MARCHF1: variants seen among roughly 807,000 people sequenced by gnomAD.
The protein encoded by MARCHF1 is membrane associated ring-CH-type finger 1, also known as E3 ubiquitin-protein ligase MARCHF1.
A neutral mutation model predicts 54.2 loss-of-function variants in MARCHF1; 40 were observed. That is an observed-to-expected ratio of 0.74 (90% confidence interval 0.57 to 0.96). The LOEUF (loss-of-function observed/expected upper bound fraction) is 0.96, where lower values mean the gene tolerates loss of function less well. MARCHF1 is among the 40% of genes least tolerant of loss of function. The pLI is 0.00. For synonymous variants in MARCHF1, 236 were observed against 236.3 expected (o/e 1.00, Z 0.01); for missense variants, 586 against 656.5 (o/e 0.89, Z 1.17).
At chr4:164,350,495 G>C (rs1730254109) in intron 1 of MARCHF1, among the ~76,000 whole-genome samples, 1 of 152,236 alleles carries the variant, frequency 6.6e-6, no homozygotes, top group African/African-American at 2.4e-5. Context: ...AGCTAAAAGA[G>C]AGGATTTTGA....
chr4:163,562,814 ATAAT>A (rs1169673034), intron 8 of MARCHF1, among the ~76,000 whole-genome samples: 1 of 152,144 alleles, frequency 6.6e-6, no homozygotes, highest in Non-Finnish European at 1.5e-5. Context: ...TTCCCAGTTA[ATAAT>A]TAAACTGTTC....
intron 7 of MARCHF1, among the ~76,000 whole-genome samples, chr4:163,611,048 T>G (rs1349863947): frequency 6.6e-6 from 1 of 152,090 alleles, no homozygotes; most frequent in Non-Finnish European, 1.5e-5. Context: ...GAAGCTTCCT[T>G]GCCATGTGCT....
At chr4:164,050,947 TA>T (rs1754352499) in intron 2 of MARCHF1, among the ~76,000 whole-genome samples, 1 of 150,612 alleles carries the variant, frequency 6.6e-6, no homozygotes, top group South Asian at 2.1e-4. Context: ...ATAATAATAG[TA>T]ATAATAATAA....
intron 1 of MARCHF1, among the ~76,000 whole-genome samples, chr4:164,381,502 C>G (rs918089028): frequency 1.3e-5 from 2 of 152,016 alleles, no homozygotes; most frequent in African/African-American, 4.8e-5. Context: ...GTAATCTGTT[C>G]TTCTCAATAT....
chr4:163,722,334 G>A (rs28843789), intron 4 of MARCHF1, among the ~76,000 whole-genome samples: 3,753 of 152,208 alleles, frequency 0.025, 158 homozygotes, highest in African/African-American at 0.084. Context: ...ATGTAGTTGA[G>A]CGGTTTTGAG....
intron 4 of MARCHF1, among the ~76,000 whole-genome samples, chr4:163,708,899 A>G (rs1183595788): frequency 6.6e-6 from 1 of 152,134 alleles, no homozygotes; most frequent in Non-Finnish European, 1.5e-5. Context: ...TATGGGTATG[A>G]TGTGCATACA....
chr4:163,952,674 G>A (rs938910768), intron 3 of MARCHF1, among the ~76,000 whole-genome samples: 2 of 152,178 alleles, frequency 1.3e-5, no homozygotes, highest in Non-Finnish European at 2.9e-5. Context: ...CTATGTGGCT[G>A]TAATCTGCTT....
At chr4:163,949,884 C>T (rs1361594463) in intron 3 of MARCHF1, among the ~76,000 whole-genome samples, 4 of 152,174 alleles carry the variant, frequency 2.6e-5, no homozygotes, top group African/African-American at 9.6e-5. Flanking sequence ...GGCAGGTTGT[C>T]CTGTCCTCTG....
chr4:163,684,333 G>T lies in MARCHF1; in HGVS notation c.162+16480C>A, dbSNP rs186041068. On this transcript the variant is annotated intron_variant, in intron 5 of 9. Coordinates refer to ENST00000514618, the MANE Select transcript of MARCHF1 (RefSeq NM_001394959.1). ...TGAAATATCAACTGGAATATATGTT[G>T]CCCATGTCAGAAAGAATTCCAGTTT... Among the ~76,000 whole-genome samples the T allele has an allele frequency of 1.1e-3, 165 of 152,196 alleles. 1 individual carries two copies. The highest frequency in any genetic ancestry group is 3.9e-4 in the East Asian group (2 of 5,174).
chr4:164,300,381 G>C (rs1734524666), intron 1 of MARCHF1, among the ~76,000 whole-genome samples: 2 of 152,034 alleles, frequency 1.3e-5, no homozygotes, highest in Non-Finnish European at 2.9e-5. Flanking sequence ...CTATGCCTAG[G>C]TTTCCGATCT....
intron 1 of MARCHF1, among the ~76,000 whole-genome samples, chr4:164,129,349 T>C (rs181516385): frequency 9.3e-4 from 142 of 152,280 alleles, no homozygotes; most frequent in African/African-American, 3.2e-3. Context: ...TAATAATCTT[T>C]AAGAAAATGT....
intron 1 of MARCHF1, among the ~76,000 whole-genome samples, chr4:164,285,577 G>A (rs1487840171): frequency 6.6e-6 from 1 of 151,752 alleles, no homozygotes; most frequent in African/African-American, 2.4e-5. Flanking sequence ...CGAGTAGCTA[G>A]GACTCTAGGC....
chr4:164,078,768 G>C (rs185654987), intron 2 of MARCHF1, among the ~76,000 whole-genome samples: 1 of 151,848 alleles, frequency 6.6e-6, no homozygotes, highest in Non-Finnish European at 1.5e-5. Context: ...ATATATTTCC[G>C]AGCATAAAAA....
intron 1 of MARCHF1, among the ~76,000 whole-genome samples, chr4:164,237,651 GTTTC>G (rs1732602671): frequency 6.6e-6 from 1 of 151,830 alleles, no homozygotes; most frequent in Non-Finnish European, 1.5e-5. Context: ...ATTCTATTCA[GTTTC>G]TTTTTTAATA....
At chr4:164,310,981 A>T (rs936911783) in intron 1 of MARCHF1, among the ~76,000 whole-genome samples, 1 of 152,164 alleles carries the variant, frequency 6.6e-6, no homozygotes, top group African/African-American at 2.4e-5. Context: ...GCCACTAAAA[A>T]CACTTTCCTT....
chr4:163,595,023 G>A (rs994947209), intron 7 of MARCHF1, among the ~76,000 whole-genome samples: 7 of 152,174 alleles, frequency 4.6e-5, no homozygotes, highest in African/African-American at 1.7e-4. Context: ...TTATTGACAA[G>A]AGTGAAGCTA....
At chr4:164,119,648 A>G in intron 1 of MARCHF1, among the ~76,000 whole-genome samples, 1 of 150,888 alleles carries the variant, frequency 6.6e-6, no homozygotes, top group East Asian at 1.9e-4. Flanking sequence ...CTGAGAATTA[A>G]CAAAAGTGGA....
chr4:164,088,792 C>T (rs28602237), intron 2 of MARCHF1, among the ~76,000 whole-genome samples: 1 of 151,806 alleles, frequency 6.6e-6, no homozygotes, highest in Admixed American at 6.6e-5. Context: ...GTGAAAAAAT[C>T]CAAAAGACAA....
At chr4:164,315,123 T>C (rs1299572377) in intron 1 of MARCHF1, among the ~76,000 whole-genome samples, 1 of 151,842 alleles carries the variant, frequency 6.6e-6, no homozygotes, top group Non-Finnish European at 1.5e-5. Context: ...AGCACCAAAC[T>C]TGTTTATGCT....
Sources: allele counts gnomAD v4.1 joint callset (sites outside exome capture counted in the v4.1 genomes callset), GRCh38; gene constraint gnomAD v4.1.1; transcripts MANE v1.5; gene names NCBI Gene and HGNC (gene_info 2026-07-23, HGNC 2026-07-21).